Variants in SMC5 observed in about 807,000 individuals in gnomAD.
SMC5 encodes structural maintenance of chromosomes 5.
A neutral mutation model predicts 148.3 loss-of-function variants in SMC5; 88 were observed. The observed-to-expected ratio is 0.59, with a 90% confidence interval of 0.50 to 0.71. The LOEUF is 0.71. SMC5 is among the 30% of genes least tolerant of loss of function. The probability of loss-of-function intolerance (pLI) is 0.00; values close to 1 mark genes in which losing one functional copy is unlikely to be tolerated. For synonymous variants in SMC5, 421 were observed against 432.8 expected (o/e 0.97, Z 0.34); for missense variants, 1,142 against 1,298.9 (o/e 0.88, Z 1.86).
At chr9:70,270,894 G>C (rs1024540551) in intron 3 of SMC5, among the ~76,000 whole-genome samples, 1 of 152,026 alleles carries the variant, frequency 6.6e-6, no homozygotes, top group African/African-American at 2.4e-5. Context: ...TGATCCGCCC[G>C]CCTTGGCCTC....
chr9:70,316,505 C>T (rs1351327686), intron 13 of SMC5, among the ~76,000 whole-genome samples: 4 of 151,860 alleles, frequency 2.6e-5, no homozygotes, highest in Non-Finnish European at 5.9e-5. Flanking sequence ...TTTGGGAAAA[C>T]CAAAAGTAGA....
intron 8 of SMC5, among the ~76,000 whole-genome samples, chr9:70,295,327 C>T (rs1196196347): frequency 5.9e-5 from 9 of 151,504 alleles, no homozygotes; most frequent in Non-Finnish European, 8.8e-5. Flanking sequence ...AAAAATTAGC[C>T]GGGCGTGGTG....
chr9:70,270,315 G>A (rs1233231474), intron 3 of SMC5, among the ~76,000 whole-genome samples: 3 of 152,204 alleles, frequency 2.0e-5, no homozygotes, highest in South Asian at 2.1e-4. Flanking sequence ...GAGTGCAGGA[G>A]CTTCTTTCCC....
intron 10 of SMC5, among the ~76,000 whole-genome samples, chr9:70,301,480 T>C (rs956973161): frequency 6.6e-6 from 1 of 152,212 alleles, no homozygotes; most frequent in Non-Finnish European, 1.5e-5. Context: ...TACTCACCTT[T>C]CTAGGTCTAG....
At chr9:70,345,054 T>TAGGGGGA (rs2036631325) in intron 18 of SMC5, among the ~76,000 whole-genome samples, 1 of 152,166 alleles carries the variant, frequency 6.6e-6, no homozygotes, top group South Asian at 2.1e-4. Context: ...TTCGACTAAT[T>TAGGGGGA]GGATACATAC....
rs565989227 is a variant in SMC5, at chr9:70,290,618, T to G, written c.1053+4347T>G. On this transcript the variant is annotated intron_variant, in intron 8 of 24. Coordinates refer to ENST00000361138, the MANE Select transcript of SMC5 (RefSeq NM_015110.4). ...TTGATTTATTTGTGTAGATTCAGAG[T>G]ACTATCTAGGGTCCTTTCATTTCAG... Among the ~76,000 whole-genome samples the G allele has an allele frequency of 7.9e-5, 12 of 151,940 alleles. No homozygotes were observed. In the South Asian group the frequency reaches 1.7e-3, roughly 21 times the overall value.
At chr9:70,300,905 A>G (rs2035341446) in intron 10 of SMC5, among the ~76,000 whole-genome samples, 1 of 152,126 alleles carries the variant, frequency 6.6e-6, no homozygotes. Flanking sequence ...TTTTTGCTAG[A>G]TAATTTTTTT....
chr9:70,348,430 G>A lies in SMC5; in HGVS notation c.2889+392G>A, dbSNP rs138750299. 4.0e-3 allele frequency among the ~76,000 whole-genome samples: 608 copies of A among 151,908 alleles called. 3 individuals carry two copies. The highest frequency in any genetic ancestry group is 0.014 in the African/African-American group (563 of 41,432). On this transcript the variant is annotated intron_variant, in intron 22 of 24. Transcript: ENST00000361138. ...TTCATGGTCAGGTGTGGTGGCTCAC[G>A]CCTGTAATCTCAGCACTTTGTGAGG... is the stretch of plus-strand genomic sequence containing the variant.
chr9:70,286,128 G>T, intron 7 of SMC5, 72 bp from the exon 8 acceptor site: 1 of 888,960 alleles, frequency 1.1e-6, no homozygotes. Context: ...ATTTGAATGG[G>T]CAGGGCCATA....
At chr9:70,262,294 A>G (rs1219828896) in intron 1 of SMC5, among the ~76,000 whole-genome samples, 1 of 152,234 alleles carries the variant, frequency 6.6e-6, no homozygotes, top group African/African-American at 2.4e-5. Context: ...GGTAGAATTT[A>G]GAGGTCTAAG....
chr9:70,314,189 T>C (rs2035734744), intron 11 of SMC5, among the ~76,000 whole-genome samples: 1 of 152,194 alleles, frequency 6.6e-6, no homozygotes, highest in Non-Finnish European at 1.5e-5. Flanking sequence ...TTCCATCTTA[T>C]GATCCCTCCA....
At chr9:70,332,523 CAAAAAAAAAAA>C (rs57524323) in intron 17 of SMC5, among the ~76,000 whole-genome samples, 6 of 104,212 alleles carry the variant, frequency 5.8e-5, no homozygotes, top group Non-Finnish European at 1.2e-4. Context: ...GACCCTGTCT[CAAAAAAAAAAA>C]AAAAAAAAAA....
At position 70,318,836 on chromosome 9, in the gene SMC5, G is replaced by A. The variant is rs2035875228; in HGVS notation, c.2023G>A (p.Ala675Thr). The change falls in exon 15 of 25, where the codon GCC (alanine) becomes ACC (threonine). Residue 675 changes from alanine to threonine, a missense_variant. Transcript: ENST00000361138. ...GCAAGCAGTGGATTCAGGGTTGATT[G>A]CCTTACGTGAAACAAGCAAACATCT... The part of the protein sequence containing the change: ...KLQAVDSGLI[A>T]LRETSKHLEH... 1.2e-6 allele frequency: 2 copies of A among 1,606,186 alleles called. No individual in the cohort carries two copies. Among genetic ancestry groups the A allele is most frequent in the African/African-American group, 1.3e-5 (1 of 74,546 alleles).
chr9:70,274,328 A>G (rs1055102573), intron 3 of SMC5, among the ~76,000 whole-genome samples: 4 of 151,960 alleles, frequency 2.6e-5, no homozygotes, highest in Non-Finnish European at 4.4e-5. Flanking sequence ...TGATCCACCC[A>G]CCTCGGCCTC....
chr9:70,350,547 A>G (rs2036780422), intron 24 of SMC5, 76 bp downstream of exon 24: 1 of 936,334 alleles, frequency 1.1e-6, no homozygotes, highest in East Asian at 2.6e-5. Flanking sequence ...TTTTGTCCCA[A>G]CATGCACATA....
intron 7 of SMC5, among the ~76,000 whole-genome samples, chr9:70,282,863 G>T (rs1002482358): frequency 1.3e-5 from 2 of 152,062 alleles, no homozygotes; most frequent in Admixed American, 6.5e-5. Context: ...GAAACACTGA[G>T]CTCTTTTTGT....
In SMC5 at chr9:70,344,176, GA is replaced by G. The variant is rs2036600107; in HGVS notation, c.2431del (p.Arg811AspfsTer10). 1 of 1,552,108 alleles carries G rather than the reference GA, an allele frequency of 6.4e-7. No individual in the cohort carries two copies. The highest frequency in any genetic ancestry group is 8.7e-7 in the Non-Finnish European group (1 of 1,147,278). On this transcript the variant is annotated frameshift_variant, in exon 18 of 25. Coordinates refer to ENST00000361138, the MANE Select transcript of SMC5 (RefSeq NM_015110.4). LOFTEE classifies it high-confidence loss of function. ...TCATTGAATTGGATGAAAATAGACA[GA>G]GATTATTGCAGAAATGCAAGGAACT... The part of the protein sequence containing the change: ...HFIELDENRQ[R>X]LLQKCKELMK...
chr9:70,294,684 G>T (rs1172476480), intron 8 of SMC5, among the ~76,000 whole-genome samples: 1 of 152,136 alleles, frequency 6.6e-6, no homozygotes, highest in South Asian at 2.1e-4. Flanking sequence ...GGTATGATTT[G>T]GGGGGCTTTA....
chr9:70,267,452 T>C (rs2034320071), intron 2 of SMC5, among the ~76,000 whole-genome samples: 1 of 152,146 alleles, frequency 6.6e-6, no homozygotes, highest in African/African-American at 2.4e-5. Context: ...GGATAGGTAA[T>C]ATTAGCGTGG....
Sources: gnomAD v4.1 joint callset for allele counts (sites outside exome capture counted in the v4.1 genomes callset) on GRCh38, gnomAD v4.1.1 for gene constraint, MANE v1.5 for transcripts, NCBI Gene and HGNC (gene_info 2026-07-23, HGNC 2026-07-21) for gene names.